The following MAP3K9 variants were observed in gnomAD, a reference collection of about 807,000 sequenced individuals.
The protein encoded by MAP3K9 is mixed lineage kinase 1 (tyr and ser/thr specificity).
Under a neutral mutation model 95.8 loss-of-function variants are expected in MAP3K9, and 46 were observed. That is an observed-to-expected ratio of 0.48 (90% CI 0.38 to 0.61). The LOEUF is 0.61. MAP3K9 is among the 20% of genes least tolerant of loss of function. The pLI is 0.00. For missense variants in MAP3K9, 1,296 were observed against 1,474.3 expected (o/e 0.88, Z 1.98); for synonymous variants, 533 against 593.8 (o/e 0.90, Z 1.49).
intron 2 of MAP3K9, among the ~76,000 whole-genome samples, chr14:70,771,969 C>T (rs7151405): frequency 0.52 from 79,442 of 152,094 alleles, 20,835 homozygotes; most frequent in South Asian, 0.63. Flanking sequence ...AGCCAGAGTG[C>T]GGCCGCTGTG....
At chr14:70,756,494 G>A (rs1029714006) in intron 3 of MAP3K9, among the ~76,000 whole-genome samples, 1 of 152,212 alleles carries the variant, frequency 6.6e-6, no homozygotes, top group African/African-American at 2.4e-5. Flanking sequence ...GCACACAGTT[G>A]TCCAGCTAGA....
At chr14:70,744,832 G>A (rs1203749785) in intron 5 of MAP3K9, among the ~76,000 whole-genome samples, 2 of 152,178 alleles carry the variant, frequency 1.3e-5, no homozygotes, top group Non-Finnish European at 2.9e-5. Flanking sequence ...GGGTGGAACT[G>A]GGACAAAGTC....
chr14:70,748,659 C>A (rs1253128236), intron 5 of MAP3K9, among the ~76,000 whole-genome samples, 170 bp downstream of exon 5: 2 of 152,200 alleles, frequency 1.3e-5, no homozygotes, highest in African/African-American at 2.4e-5. Context: ...CAACTGCATT[C>A]TTCTCTGGTT....
In MAP3K9 at chr14:70,760,982, C is replaced by A; in HGVS notation, c.1001+20G>T. The A allele has an allele frequency of 6.2e-7, 1 of 1,610,532 alleles. No homozygotes were observed. Among genetic ancestry groups the A allele is most frequent in the Non-Finnish European group, 8.5e-7 (1 of 1,178,558 alleles). Reference sequence around the variant, plus strand: ...CAAGATGGACCTAGGAAATGCTGTCCCTGCCCCCCTGGACCTTACCTCCAC... The same window carrying A: ...CAAGATGGACCTAGGAAATGCTGTCACTGCCCCCCTGGACCTTACCTCCAC... On this transcript the variant is annotated intron_variant, in intron 3 of 11. Transcript: ENST00000554752.
At chr14:70,770,427 G>A (rs1015833370) in intron 2 of MAP3K9, among the ~76,000 whole-genome samples, 3 of 151,552 alleles carry the variant, frequency 2.0e-5, no homozygotes, top group Non-Finnish European at 4.4e-5. Context: ...CAAGTGATCC[G>A]CCTGCCTCGG....
intron 4 of MAP3K9, 32 bp from the exon 5 acceptor site, chr14:70,749,036 T>A (rs1362794510): frequency 3.1e-6 from 5 of 1,592,916 alleles, no homozygotes; most frequent in Non-Finnish European, 4.3e-6. Context: ...TCAGAAAGCA[T>A]GAATGGACAG....
intron 1 of MAP3K9, among the ~76,000 whole-genome samples, chr14:70,806,512 T>A (rs2054991644): frequency 6.6e-6 from 1 of 152,216 alleles, no homozygotes; most frequent in Non-Finnish European, 1.5e-5. Flanking sequence ...ATTCTTCAAG[T>A]TAATTCTTTC....
intron 2 of MAP3K9, among the ~76,000 whole-genome samples, chr14:70,791,028 A>G (rs1478600685): frequency 2.0e-5 from 3 of 152,184 alleles, no homozygotes; most frequent in Non-Finnish European, 2.9e-5. Context: ...GCCACAGACC[A>G]CCCGCAAACT....
intron 1 of MAP3K9, among the ~76,000 whole-genome samples, 167 bp from the exon 2 acceptor site, chr14:70,801,247 T>TATTTTCCTTTGC (rs148586654): frequency 6.6e-6 from 1 of 152,126 alleles, no homozygotes; most frequent in Non-Finnish European, 1.5e-5. Context: ...GCAATCAACT[T>TATTTTCCTTTGC]ATTTTCCTTT....
intron 2 of MAP3K9, among the ~76,000 whole-genome samples, chr14:70,792,835 T>G (rs2054820948): frequency 1.3e-5 from 2 of 152,222 alleles, no homozygotes; most frequent in African/African-American, 2.4e-5. Context: ...CTCCAGGGCT[T>G]AGAATGTTAG....
At chr14:70,750,620 G>A (rs866502110) in intron 3 of MAP3K9, among the ~76,000 whole-genome samples, 1 of 152,080 alleles carries the variant, frequency 6.6e-6, no homozygotes, top group African/African-American at 2.4e-5. Flanking sequence ...GAGTAGCTGG[G>A]ATTACAGGCA....
chr14:70,794,281 A>G (rs1052322947), intron 2 of MAP3K9, among the ~76,000 whole-genome samples: 1 of 152,174 alleles, frequency 6.6e-6, no homozygotes, highest in Admixed American at 6.5e-5. Flanking sequence ...ACAGTTCACC[A>G]CTCACCTCTG....
intron 5 of MAP3K9, among the ~76,000 whole-genome samples, chr14:70,742,924 T>A (rs1400762152): frequency 6.7e-6 from 1 of 148,230 alleles, no homozygotes; most frequent in Non-Finnish European, 1.5e-5. Flanking sequence ...TATATATATA[T>A]ATATATATAT....
intron 2 of MAP3K9, among the ~76,000 whole-genome samples, chr14:70,799,546 A>G (rs988096284): frequency 2.0e-5 from 3 of 151,858 alleles, no homozygotes; most frequent in Non-Finnish European, 2.9e-5. Context: ...TCACCGTGTT[A>G]GCCAGGATGG....
Position 70,803,337 on chromosome 14 carries a change from T to TAAA in MAP3K9, c.407-2260_407-2258dup, listed in dbSNP as rs10583563. Among the ~76,000 whole-genome samples, 724 of 75,130 alleles carry TAAA rather than the reference T, an allele frequency of 9.6e-3. 5 individuals are homozygous for TAAA. The highest frequency in any genetic ancestry group is 0.045 in the East Asian group (84 of 1,886). 49.3% of individuals were successfully genotyped at this position (75,130 alleles called of 152,430 possible). ...GAGGAAATAAACCAAATTCAGATCT[T>TAAA]AAAAAAAAAAAAAAAAAAAAAAAAA... On this transcript the variant is annotated intron_variant, in intron 1 of 11. Transcript: ENST00000554752.
intron 3 of MAP3K9, among the ~76,000 whole-genome samples, chr14:70,758,048 C>G (rs552955242): frequency 1.3e-5 from 2 of 152,120 alleles, no homozygotes; most frequent in Admixed American, 6.6e-5. Context: ...ATAAAATAAA[C>G]TAGACATCAT....
At chr14:70,804,251 T>A (rs2054964803) in intron 1 of MAP3K9, among the ~76,000 whole-genome samples, 1 of 152,210 alleles carries the variant, frequency 6.6e-6, no homozygotes, top group Admixed American at 6.5e-5. Context: ...CTTCCAACAA[T>A]TCTGCAAGCA....
At chr14:70,747,396 C>T (rs891286963) in intron 5 of MAP3K9, among the ~76,000 whole-genome samples, 15 of 152,208 alleles carry the variant, frequency 9.9e-5, no homozygotes, top group African/African-American at 1.2e-4. Context: ...GAAGAAGGAC[C>T]TGTTTGCTAC....
chr14:70,737,576 C>T (rs879029397), intron 8 of MAP3K9, among the ~76,000 whole-genome samples: 20 of 152,186 alleles, frequency 1.3e-4, no homozygotes, highest in African/African-American at 4.8e-4. Flanking sequence ...AGCCATCATA[C>T]ATGGCAGTGT....
Sources: allele counts gnomAD v4.1 joint callset (sites outside exome capture counted in the v4.1 genomes callset), GRCh38; gene constraint gnomAD v4.1.1; transcripts MANE v1.5; gene names NCBI Gene and HGNC (gene_info 2026-07-23, HGNC 2026-07-21).